The following TMEM163 variants were observed in gnomAD, a reference collection of about 807,000 sequenced individuals.
TMEM163 encodes the protein transmembrane protein 163.
TMEM163 carries 17 observed loss-of-function variants against 29.3 expected under a neutral mutation model. That is an observed-to-expected ratio of 0.58 (90% confidence interval 0.40 to 0.87). The LOEUF is 0.87. Ranked by LOEUF, TMEM163 falls within the 40% of genes least tolerant of loss-of-function variation. TMEM163 has a pLI of 0.00. For missense variants in TMEM163, 303 were observed against 381.5 expected, an observed-to-expected ratio of 0.79 and a Z score of 1.71; for synonymous variants, 157 against 160.6, an observed-to-expected ratio of 0.98 and a Z score of 0.17.
intron 4 of TMEM163, among the ~76,000 whole-genome samples, chr2:134,545,205 G>A (rs1404425232): frequency 6.6e-6 from 1 of 152,110 alleles, no homozygotes; most frequent in Non-Finnish European, 1.5e-5. Flanking sequence ...GCAATCCACT[G>A]TCACCAGACC....
Position 134,613,911 on chromosome 2 carries a change from A to G in TMEM163, c.323-61820T>C, listed in dbSNP as rs531651114. Among the ~76,000 whole-genome samples the G allele has an allele frequency of 3.9e-5, 6 of 152,300 alleles. No homozygotes were observed. In the South Asian group the frequency reaches 1.2e-3, roughly 32 times the overall value. ...TAAAGGTGTCAATTTTTCAAAATTT[A>G]TTTATAGGTCTAATTCAGTTCTAGT... On this transcript the variant is annotated intron_variant, in intron 2 of 7. Transcript: ENST00000281924.
intron 2 of TMEM163, among the ~76,000 whole-genome samples, chr2:134,590,116 T>A (rs113738141): frequency 1.0e-3 from 133 of 130,980 alleles, no homozygotes; most frequent in African/African-American, 3.3e-3. Flanking sequence ...CAAGCCCAAC[T>A]GATTCTTTTT....
intron 4 of TMEM163, among the ~76,000 whole-genome samples, chr2:134,516,780 C>CATATATATACGCATATATATGAATAT: frequency 7.2e-6 from 1 of 139,454 alleles, no homozygotes; most frequent in East Asian, 2.2e-4. Flanking sequence ...CATATCTATT[C>CATATATATACGCATATATATGAATAT]ATATATATAT....
At chr2:134,458,727 G>C (rs1000549808) in intron 6 of TMEM163, 1 of 153,184 alleles carries the variant, frequency 6.5e-6, no homozygotes, top group South Asian at 2.1e-4. Context: ...TATCCAGATT[G>C]AGAAGGGCAT....
intron 5 of TMEM163, among the ~76,000 whole-genome samples, chr2:134,485,251 C>A (rs988758251): frequency 8.5e-5 from 13 of 152,188 alleles, no homozygotes; most frequent in Admixed American, 7.2e-4. Context: ...AATCATCTAA[C>A]ACAAAGCCTG....
At chr2:134,487,734 C>A (rs1679344625) in intron 5 of TMEM163, among the ~76,000 whole-genome samples, 1 of 152,112 alleles carries the variant, frequency 6.6e-6, no homozygotes, top group South Asian at 2.1e-4. Context: ...CAGCTGTGCA[C>A]CTATGAGAAC....
Position 134,694,695 on chromosome 2 carries a change from G to C in TMEM163, c.322+18505C>G, listed in dbSNP as rs1170200204. Among the ~76,000 whole-genome samples, 5 of 152,118 alleles carry C rather than the reference G, an allele frequency of 3.3e-5. No individual in the cohort carries two copies. The East Asian group carries it at 9.6e-4, about 29-fold the overall frequency. On this transcript the variant is annotated intron_variant, in intron 2 of 7. Transcript: ENST00000281924. Reference sequence around the variant, plus strand: ...GATACCATATCTCCTCATTCACACTGAAGAATAACCTGGGATTAGATCCAA... The same window carrying C: ...GATACCATATCTCCTCATTCACACTCAAGAATAACCTGGGATTAGATCCAA...
chr2:134,677,133 C>G (rs1374826561), intron 2 of TMEM163, among the ~76,000 whole-genome samples: 1 of 152,146 alleles, frequency 6.6e-6, no homozygotes, highest in African/African-American at 2.4e-5. Flanking sequence ...TCCGGCGACC[C>G]TGCTCTTCTC....
intron 2 of TMEM163, among the ~76,000 whole-genome samples, chr2:134,612,052 A>T (rs1340015197): frequency 6.6e-6 from 1 of 152,172 alleles, no homozygotes; most frequent in Non-Finnish European, 1.5e-5. Context: ...CTACCTAAAA[A>T]CCAACAGCCT....
intron 5 of TMEM163, among the ~76,000 whole-genome samples, chr2:134,488,011 A>C (rs1210636146): frequency 6.6e-6 from 1 of 152,200 alleles, no homozygotes; most frequent in Non-Finnish European, 1.5e-5. Context: ...CCATTTAAAA[A>C]AAAAAAAGAC....
chr2:134,546,569 G>A (rs1274425386), intron 4 of TMEM163, among the ~76,000 whole-genome samples: 3 of 151,958 alleles, frequency 2.0e-5, no homozygotes, highest in Admixed American at 6.6e-5. Flanking sequence ...GCATGAACCC[G>A]GGAGGCGGAG....
chr2:134,687,956 T>G (rs1348334901), intron 2 of TMEM163, among the ~76,000 whole-genome samples: 2 of 151,964 alleles, frequency 1.3e-5, no homozygotes, highest in African/African-American at 4.8e-5. Context: ...ACTGGAAGAC[T>G]GGCAAAACAA....
At chr2:134,552,380 T>G (rs903598091) in intron 2 of TMEM163, among the ~76,000 whole-genome samples, 1 of 152,170 alleles carries the variant, frequency 6.6e-6, no homozygotes, top group African/African-American at 2.4e-5. Context: ...TTCTGATACT[T>G]TGAGAATTTA....
chr2:134,593,765 G>C (rs907509043), intron 2 of TMEM163, among the ~76,000 whole-genome samples: 2 of 151,870 alleles, frequency 1.3e-5, no homozygotes, highest in African/African-American at 4.8e-5. Context: ...TGGCCTAAAA[G>C]CTTGATTCAT....
At chr2:134,610,184 GA>G (rs1250048013) in intron 2 of TMEM163, among the ~76,000 whole-genome samples, 1 of 152,228 alleles carries the variant, frequency 6.6e-6, no homozygotes, top group African/African-American at 2.4e-5. Context: ...TGACCGGATG[GA>G]CCCTCATCCC....
chr2:134,617,484 C>A lies in TMEM163; in HGVS notation c.323-65393G>T, dbSNP rs572808896. ...CAGTGTGGTGGCGGGCACCTGTAAT[C>A]CCAGCTACTCAGGAGGCTGAGGCAG... On this transcript the variant is annotated intron_variant, in intron 2 of 7. Transcript: ENST00000281924. 2.0e-5 allele frequency among the ~76,000 whole-genome samples: 3 copies of A among 152,042 alleles called. 1 individual carries two copies. The South Asian group carries it at 6.2e-4, about 32-fold the overall frequency.
At chr2:134,535,836 C>T (rs1277714126) in intron 4 of TMEM163, among the ~76,000 whole-genome samples, 1 of 151,932 alleles carries the variant, frequency 6.6e-6, no homozygotes, top group South Asian at 2.1e-4. Flanking sequence ...AATTATCTTG[C>T]CTCAGTTGCC....
At chr2:134,601,372 C>T (rs1300852369) in intron 2 of TMEM163, among the ~76,000 whole-genome samples, 2 of 152,258 alleles carry the variant, frequency 1.3e-5, no homozygotes, top group South Asian at 4.2e-4. Flanking sequence ...AAGAAACGAT[C>T]GTGGGATCGG....
chr2:134,632,909 A>ATTTT (rs57488299), intron 2 of TMEM163, among the ~76,000 whole-genome samples: 1 of 118,636 alleles, frequency 8.4e-6, no homozygotes, highest in East Asian at 2.4e-4. Flanking sequence ...CACCCAGCTA[A>ATTTT]TTTTTTTTTT....
Sources: allele counts gnomAD v4.1 joint callset (sites outside exome capture counted in the v4.1 genomes callset), GRCh38; gene constraint gnomAD v4.1.1; transcripts MANE v1.5; gene names NCBI Gene and HGNC (gene_info 2026-07-23, HGNC 2026-07-21).